The following IMMP2L variants were observed in gnomAD, a reference collection of about 807,000 sequenced individuals.
IMMP2L encodes mitochondrial inner membrane protease subunit 2.
In IMMP2L, 18 loss-of-function variants were observed where a neutral mutation model predicts 19.3. The ratio of observed to expected loss-of-function variants is 0.93; its 90% CI spans 0.64 to 1.38. IMMP2L has a LOEUF of 1.38. Ranked by LOEUF, IMMP2L falls within the 40% of genes most tolerant of loss-of-function variation. The probability of loss-of-function intolerance (pLI) is 0.00; values close to 1 mark genes in which losing one functional copy is unlikely to be tolerated. For missense variants in IMMP2L, 233 were observed against 218.2 expected, an observed-to-expected ratio of 1.07 and a Z score of -0.43; for synonymous variants, 76 against 73.0, an observed-to-expected ratio of 1.04 and a Z score of -0.21.
chr7:111,530,818 A>C (rs1847320565), intron 1 of IMMP2L, among the ~76,000 whole-genome samples: 1 of 152,170 alleles, frequency 6.6e-6, no homozygotes, highest in Admixed American at 6.5e-5. Flanking sequence ...AGAATAAATT[A>C]CATCTGTTAA....
At chr7:111,309,447 A>G (rs868643862) in intron 3 of IMMP2L, among the ~76,000 whole-genome samples, 1 of 152,170 alleles carries the variant, frequency 6.6e-6, no homozygotes, top group South Asian at 2.1e-4. Flanking sequence ...TTGCTCCCAA[A>G]GGTCCATAAG....
intron 3 of IMMP2L, among the ~76,000 whole-genome samples, chr7:111,240,191 T>C (rs935125937): frequency 6.6e-6 from 1 of 152,010 alleles, no homozygotes; most frequent in Non-Finnish European, 1.5e-5. Flanking sequence ...CCATTTCTTC[T>C]AGTCAAAAAT....
intron 3 of IMMP2L, among the ~76,000 whole-genome samples, chr7:111,306,374 A>G: frequency 6.6e-6 from 1 of 152,116 alleles, no homozygotes; most frequent in East Asian, 1.9e-4. Flanking sequence ...GGGGATACTG[A>G]TAAATGGGGA....
chr7:111,234,336 C>T (rs1222740600), intron 3 of IMMP2L, among the ~76,000 whole-genome samples: 1 of 151,954 alleles, frequency 6.6e-6, no homozygotes, highest in Non-Finnish European at 1.5e-5. Context: ...TTGTTCAGGT[C>T]TTCTATGTCT....
At chr7:110,892,294 G>T (rs1482151712) in intron 4 of IMMP2L, among the ~76,000 whole-genome samples, 2 of 152,078 alleles carry the variant, frequency 1.3e-5, no homozygotes, top group Non-Finnish European at 2.9e-5. Flanking sequence ...ACAAACCATC[G>T]TCTGCTTTGT....
intron 5 of IMMP2L, among the ~76,000 whole-genome samples, chr7:110,779,098 C>A (rs1528041): frequency 3.3e-5 from 5 of 151,606 alleles, no homozygotes; most frequent in Admixed American, 2.0e-4. Flanking sequence ...TACATTTTAA[C>A]AATCAATCAA....
chr7:110,899,444 A>G (rs183264226), intron 4 of IMMP2L, among the ~76,000 whole-genome samples: 1 of 152,320 alleles, frequency 6.6e-6, no homozygotes, highest in East Asian at 1.9e-4. Flanking sequence ...TGACTTCTTA[A>G]AAGAATTGCC....
chr7:111,016,654 A>G (rs1220772694), intron 3 of IMMP2L, among the ~76,000 whole-genome samples: 2 of 108,454 alleles, frequency 1.8e-5, no homozygotes, highest in East Asian at 5.2e-4. Flanking sequence ...ATGTGCATAT[A>G]TACATATATT....
chr7:111,390,545 T>G (rs1832245476), intron 3 of IMMP2L: 1 of 152,148 alleles, frequency 6.6e-6, no homozygotes, highest in African/African-American at 2.4e-5. Context: ...TCAGGTAAAT[T>G]CTGTCTCTAA....
intron 3 of IMMP2L, among the ~76,000 whole-genome samples, chr7:111,303,874 G>C (rs530530123): frequency 6.6e-6 from 1 of 152,136 alleles, no homozygotes; most frequent in East Asian, 1.9e-4. Flanking sequence ...AAGGAACAGA[G>C]TTGAGGGAAC....
rs187094863 is a variant in IMMP2L at position 111,078,811 on chromosome 7, A to T, written c.240-115246T>A. On this transcript the variant is annotated intron_variant, in intron 3 of 5. Coordinates refer to ENST00000405709, the MANE Select transcript of IMMP2L (RefSeq NM_032549.4). ...AATGGCACGATCTCAGCTCACTGCA[A>T]CCTCCACCTACCAGGTTTCAGTGAT... Among the ~76,000 whole-genome samples, 528 of 152,096 alleles carry T rather than the reference A, an allele frequency of 3.5e-3. 3 individuals are homozygous for T. Among genetic ancestry groups the T allele is most frequent in the African/African-American group, 0.012 (512 of 41,498 alleles).
chr7:110,686,274 G>A (rs905210572), intron 5 of IMMP2L, among the ~76,000 whole-genome samples: 3 of 151,988 alleles, frequency 2.0e-5, no homozygotes, highest in Non-Finnish European at 2.9e-5. Flanking sequence ...CAATTTTGCT[G>A]ATTTATAATA....
At chr7:111,090,412 C>CA (rs1796736808) in intron 3 of IMMP2L, among the ~76,000 whole-genome samples, 1 of 151,940 alleles carries the variant, frequency 6.6e-6, no homozygotes, top group Non-Finnish European at 1.5e-5. Flanking sequence ...CACAGATACA[C>CA]AAACACACCT....
intron 3 of IMMP2L, among the ~76,000 whole-genome samples, chr7:111,079,794 G>A (rs1795738254): frequency 6.6e-6 from 1 of 152,176 alleles, no homozygotes; most frequent in Non-Finnish European, 1.5e-5. Flanking sequence ...TTCATATACT[G>A]ATGGCACTTG....
intron 3 of IMMP2L, among the ~76,000 whole-genome samples, chr7:111,484,402 ATTTT>A (rs1239513237): frequency 2.0e-5 from 3 of 152,240 alleles, no homozygotes; most frequent in African/African-American, 7.2e-5. Flanking sequence ...TTGTCTCAAG[ATTTT>A]TTTAATATAA....
chr7:111,112,243 C>T (rs1049615248), intron 3 of IMMP2L, among the ~76,000 whole-genome samples: 2 of 152,064 alleles, frequency 1.3e-5, no homozygotes, highest in Admixed American at 6.6e-5. Context: ...GGATTACAGG[C>T]ATGAGCCACC....
chr7:111,121,626 T>C (rs148326761), intron 3 of IMMP2L, among the ~76,000 whole-genome samples: 3,862 of 152,260 alleles, frequency 0.025, 163 homozygotes, highest in African/African-American at 0.088. Context: ...TTTTACACTG[T>C]TGGTGGGGCT....
chr7:111,406,464 T>C (rs1833907676), intron 3 of IMMP2L, among the ~76,000 whole-genome samples: 1 of 152,066 alleles, frequency 6.6e-6, no homozygotes, highest in Non-Finnish European at 1.5e-5. Context: ...TCTAGAGTGA[T>C]CATGGAATTC....
chr7:110,719,845 T>C (rs1157244943), intron 5 of IMMP2L, among the ~76,000 whole-genome samples: 3 of 152,238 alleles, frequency 2.0e-5, no homozygotes, highest in Admixed American at 6.5e-5. Flanking sequence ...CACTCTTTTA[T>C]GTAGTTACAT....
Sources: gnomAD v4.1 joint callset for allele counts (sites outside exome capture counted in the v4.1 genomes callset) on GRCh38, gnomAD v4.1.1 for gene constraint, MANE v1.5 for transcripts, NCBI Gene and HGNC (gene_info 2026-07-23, HGNC 2026-07-21) for gene names.